STXBP5L: variants seen among roughly 807,000 people sequenced by gnomAD.
The protein encoded by STXBP5L is syntaxin binding protein 5L.
STXBP5L carries 65 observed loss-of-function variants against 144.5 expected under a neutral mutation model. That is an observed-to-expected ratio of 0.45 (90% confidence interval 0.37 to 0.55). The LOEUF (loss-of-function observed/expected upper bound fraction) is 0.55. Ranked by LOEUF, STXBP5L falls within the 20% of genes least tolerant of loss-of-function variation. STXBP5L has a pLI of 0.00. For missense variants in STXBP5L, 1,298 were observed against 1,405.5 expected (o/e 0.92, Z 1.22); for synonymous variants, 505 against 469.6 (o/e 1.08, Z -0.97).
At chr3:121,197,995 C>T (rs2047988315) in intron 9 of STXBP5L, among the ~76,000 whole-genome samples, 2 of 152,094 alleles carry the variant, frequency 1.3e-5, no homozygotes, top group South Asian at 4.1e-4. Context: ...ATTTATAATC[C>T]TTTGGATATA....
intron 20 of STXBP5L, among the ~76,000 whole-genome samples, chr3:121,367,004 T>C (rs911570724): frequency 1.3e-5 from 2 of 152,206 alleles, no homozygotes; most frequent in African/African-American, 2.4e-5. Flanking sequence ...TTAACTTCAA[T>C]AGCATACAGA....
At chr3:121,412,893 G>A (rs749419538) in intron 23 of STXBP5L, among the ~76,000 whole-genome samples, 5 of 151,998 alleles carry the variant, frequency 3.3e-5, no homozygotes, top group African/African-American at 4.8e-5. Flanking sequence ...AATTAGCCAG[G>A]TGTGGTGGCT....
In STXBP5L at chr3:121,174,356, C is replaced by T. The variant is rs992539736; in HGVS notation, c.877+16729C>T. 6.6e-5 allele frequency among the ~76,000 whole-genome samples: 10 copies of T among 151,936 alleles called. No individual in the cohort carries two copies. In the East Asian group the frequency reaches 1.9e-3, roughly 29 times the overall value. The stretch of plus-strand genomic sequence containing the variant: ...CTACATATTCATGGCATAGCTTTTC[C>T]TTAGTTTTTTCTGATATTTTAGGCT... On this transcript the variant is annotated intron_variant, in intron 9 of 26. Coordinates refer to ENST00000471454, the MANE Select transcript of STXBP5L (RefSeq NM_001308330.2).
chr3:121,154,666 A>T lies in STXBP5L; in HGVS notation c.753+2106A>T, dbSNP rs543357992. Among the ~76,000 whole-genome samples the T allele has an allele frequency of 4.0e-5, 6 of 151,888 alleles. No individual in the cohort carries two copies. In the East Asian group the frequency reaches 1.2e-3, roughly 29 times the overall value. ...TTATTTCAAATATTACCTTTATGCT[A>T]AAAAAAGAACATCCATATATCTGTA... On this transcript the variant is annotated intron_variant, in intron 8 of 26. Coordinates refer to ENST00000471454, the MANE Select transcript of STXBP5L (RefSeq NM_001308330.2).
chr3:121,240,857 C>T (rs1023187796), intron 14 of STXBP5L, among the ~76,000 whole-genome samples: 4 of 152,048 alleles, frequency 2.6e-5, no homozygotes, highest in Admixed American at 6.6e-5. Flanking sequence ...TGTATCTGTA[C>T]GAGATGGTTA....
intron 5 of STXBP5L, among the ~76,000 whole-genome samples, chr3:121,095,879 T>C (rs1287941502): frequency 6.6e-6 from 1 of 152,124 alleles, no homozygotes; most frequent in East Asian, 1.9e-4. Context: ...TTAGAATATT[T>C]AGCTTTTCCC....
intron 3 of STXBP5L, among the ~76,000 whole-genome samples, chr3:121,002,459 T>C (rs1943864190): frequency 6.6e-6 from 1 of 152,186 alleles, no homozygotes; most frequent in African/African-American, 2.4e-5. Context: ...AGATATATGG[T>C]TTGCAAATAA....
intron 3 of STXBP5L, among the ~76,000 whole-genome samples, chr3:121,026,536 T>G (rs550346367): frequency 6.6e-6 from 1 of 152,114 alleles, no homozygotes. Flanking sequence ...TATCCTCATA[T>G]GTACAACAGT....
At chr3:120,973,954 G>C (rs1184628345) in intron 3 of STXBP5L, among the ~76,000 whole-genome samples, 1 of 152,100 alleles carries the variant, frequency 6.6e-6, no homozygotes, top group Admixed American at 6.5e-5. Flanking sequence ...TTGGACATTT[G>C]GGTTGGTTCC....
chr3:121,001,944 T>A (rs932192206), intron 3 of STXBP5L, among the ~76,000 whole-genome samples: 1 of 152,240 alleles, frequency 6.6e-6, no homozygotes, highest in African/African-American at 2.4e-5. Flanking sequence ...CACATTTTTT[T>A]ATCCATTCAT....
intron 5 of STXBP5L, among the ~76,000 whole-genome samples, chr3:121,093,810 C>T (rs979612211): frequency 6.6e-6 from 1 of 152,164 alleles, no homozygotes; most frequent in Non-Finnish European, 1.5e-5. Context: ...TTGCCTTCTG[C>T]TAGCTTTTGA....
At chr3:121,266,282 G>A (rs1167807529) in intron 18 of STXBP5L, among the ~76,000 whole-genome samples, 6 of 152,158 alleles carry the variant, frequency 3.9e-5, no homozygotes, top group Non-Finnish European at 5.9e-5. Flanking sequence ...TATCCACCAC[G>A]ATCAAGTTGG....
At chr3:120,923,790 A>T (rs1431060065) in intron 2 of STXBP5L, among the ~76,000 whole-genome samples, 1 of 152,098 alleles carries the variant, frequency 6.6e-6, no homozygotes, top group Admixed American at 6.6e-5. Flanking sequence ...CCATGTGCTG[A>T]TGAAAAAAAT....
intron 3 of STXBP5L, among the ~76,000 whole-genome samples, chr3:121,003,144 A>G (rs1351084887): frequency 6.6e-6 from 1 of 152,186 alleles, no homozygotes; most frequent in Non-Finnish European, 1.5e-5. Context: ...GACTTCCACA[A>G]TGGTTGAACT....
chr3:121,239,994 G>A (rs970231549), intron 13 of STXBP5L, among the ~76,000 whole-genome samples: 3 of 151,798 alleles, frequency 2.0e-5, no homozygotes, highest in African/African-American at 7.3e-5. Flanking sequence ...TTTTATTATA[G>A]TTTACTACAA....
intron 3 of STXBP5L, among the ~76,000 whole-genome samples, chr3:121,032,457 T>A (rs1946439538): frequency 6.6e-6 from 1 of 152,088 alleles, no homozygotes; most frequent in South Asian, 2.1e-4. Context: ...CATGTGTTTT[T>A]CATAAAAACC....
intron 20 of STXBP5L, among the ~76,000 whole-genome samples, chr3:121,370,834 T>C (rs964740608): frequency 2.0e-5 from 3 of 152,348 alleles, no homozygotes; most frequent in African/African-American, 7.2e-5. Context: ...GAAATTCTTG[T>C]AGAGTGTTTT....
intron 9 of STXBP5L, among the ~76,000 whole-genome samples, chr3:121,166,633 T>C (rs577036481): frequency 5.9e-5 from 9 of 152,322 alleles, no homozygotes; most frequent in Admixed American, 2.6e-4. Flanking sequence ...ATTGGAAGTA[T>C]AAAGCTGTTT....
Position 121,092,715 on chromosome 3 carries a change from A to G in STXBP5L, c.471-22210A>G, listed in dbSNP as rs570856272. On this transcript the variant is annotated intron_variant, in intron 5 of 26. Transcript: ENST00000471454. ...CTAGATACACAATCATGTCATCTGC[A>G]AACAGGGACAATTTGACTTTCTCTT... Among the ~76,000 whole-genome samples, 5 of 152,342 alleles carry G rather than the reference A, an allele frequency of 3.3e-5. No homozygotes were observed. The East Asian group carries it at 9.6e-4, about 29-fold the overall frequency.
Sources: allele counts gnomAD v4.1 joint callset (sites outside exome capture counted in the v4.1 genomes callset), GRCh38; gene constraint gnomAD v4.1.1; transcripts MANE v1.5; gene names NCBI Gene and HGNC (gene_info 2026-07-23, HGNC 2026-07-21).